Variants in MCHR2 observed in about 807,000 individuals in gnomAD.
MCHR2 encodes melanin-concentrating hormone receptor 2.
MCHR2 carries 15 observed loss-of-function variants against 24.8 expected under a neutral mutation model. That is an observed-to-expected ratio of 0.60 (90% CI 0.40 to 0.93). MCHR2 has a LOEUF of 0.93. Among genes scored for constraint, MCHR2 ranks in the 40% least tolerant of loss-of-function variants. The probability of loss-of-function intolerance (pLI) is 0.00; values close to 1 mark genes in which losing one functional copy is unlikely to be tolerated. For synonymous variants in MCHR2, 151 were observed against 147.6 expected (o/e 1.02, Z -0.17); for missense variants, 386 against 408.7 (o/e 0.94, Z 0.48).
At chr6:99,983,415 C>T (rs961368014) in intron 1 of MCHR2, among the ~76,000 whole-genome samples, 1 of 152,198 alleles carries the variant, frequency 6.6e-6, no homozygotes, top group Non-Finnish European at 1.5e-5. Flanking sequence ...GCATGTCACT[C>T]ATCTTTCCTT....
intron 4 of MCHR2, among the ~76,000 whole-genome samples, chr6:99,936,335 C>T (rs950838095): frequency 1.3e-5 from 2 of 151,822 alleles, no homozygotes; most frequent in African/African-American, 2.4e-5. Context: ...AGGTTCAAGT[C>T]TTAGATTTAA....
At chr6:99,958,714 A>C (rs1450575251) in intron 1 of MCHR2, among the ~76,000 whole-genome samples, 1 of 152,198 alleles carries the variant, frequency 6.6e-6, no homozygotes, top group Non-Finnish European at 1.5e-5. Context: ...AGCCAGCTAC[A>C]TCAAAGCCAA....
intron 1 of MCHR2, among the ~76,000 whole-genome samples, chr6:99,959,254 G>A (rs192758714): frequency 1.2e-4 from 19 of 152,100 alleles, no homozygotes; most frequent in Admixed American, 2.6e-4. Context: ...GAAATTATGC[G>A]TTTCAGGAAA....
At chr6:99,940,706 G>A (rs1029329184) in intron 4 of MCHR2, among the ~76,000 whole-genome samples, 3 of 150,920 alleles carry the variant, frequency 2.0e-5, no homozygotes, top group Non-Finnish European at 3.0e-5. Flanking sequence ...TTTATTTCCT[G>A]TATTTGCTTA....
At chr6:99,933,493 C>A (rs1036834073) in intron 5 of MCHR2, among the ~76,000 whole-genome samples, 3 of 151,950 alleles carry the variant, frequency 2.0e-5, no homozygotes, top group African/African-American at 7.2e-5. Context: ...CCCAAATGGA[C>A]CACACTTTAC....
chr6:99,977,621 T>C (rs1380884775), intron 1 of MCHR2, among the ~76,000 whole-genome samples: 3 of 152,160 alleles, frequency 2.0e-5, no homozygotes, highest in African/African-American at 4.8e-5. Context: ...TTATTTTTTT[T>C]CCCTTCTGAA....
chr6:99,992,524 C>A (rs568949554), intron 1 of MCHR2, among the ~76,000 whole-genome samples: 1 of 152,180 alleles, frequency 6.6e-6, no homozygotes, highest in Admixed American at 6.5e-5. Context: ...TCTCTCACAG[C>A]ATCTTGGACC....
In MCHR2 at chr6:99,942,859, T is replaced by C. The variant is rs1774798816; in HGVS notation, c.587+90A>G. ...CTGGCGAGAAGAGGATCCATAAGGA[T>C]ACTCTTTGAGGCTGCTCACATGTTG... is the stretch of plus-strand genomic sequence containing the variant. On this transcript the variant is annotated intron_variant, in intron 4 of 5. Coordinates refer to ENST00000281806, the MANE Select transcript of MCHR2 (RefSeq NM_001040179.2). 6 of 1,059,008 alleles carry C rather than the reference T, an allele frequency of 5.7e-6. No homozygotes were observed. The East Asian group carries it at 1.2e-4, about 22-fold the overall frequency. 65.6% of individuals were successfully genotyped at this position (1,059,008 alleles called of 1,614,324 possible). A position where few individuals can be genotyped will look rare whatever the true frequency, so the allele number is the denominator to read the frequency against.
chr6:99,931,565 C>T (rs1343430637), intron 5 of MCHR2, among the ~76,000 whole-genome samples: 2 of 152,160 alleles, frequency 1.3e-5, no homozygotes, highest in East Asian at 1.9e-4. Context: ...CCCCCACCCT[C>T]GCTGCCGCCT....
rs1205435742 is a variant in MCHR2, at chr6:99,963,636, TG to T, written c.-27-7463del. 2.6e-5 allele frequency among the ~76,000 whole-genome samples: 4 copies of T among 152,196 alleles called. No individual in the cohort carries two copies. The East Asian group carries it at 7.7e-4, about 29-fold the overall frequency. On this transcript the variant is annotated intron_variant, in intron 1 of 5. Transcript: ENST00000281806. The stretch of plus-strand genomic sequence containing the variant: ...TGTACTGTTCATTTATCAATTTGTT[TG>T]GGGGTGGATATCATGTTATATGTTT...
chr6:99,982,467 GAAAAAA>G (rs1196029682), intron 1 of MCHR2, among the ~76,000 whole-genome samples: 13 of 46,640 alleles, frequency 2.8e-4, no homozygotes, highest in South Asian at 3.3e-3. Flanking sequence ...TGTCTGTACA[GAAAAAA>G]AAAAAAAAAA....
At position 99,921,074 on chromosome 6, in the gene MCHR2, C is replaced by A; in HGVS notation, c.889G>T (p.Ala297Ser). Residue 297 changes from alanine (A) to serine (S), a missense_variant, in exon 6 of 6, where the codon GCC becomes TCC. By Grantham distance (99) the Ala-to-Ser change is moderately conservative. Coordinates refer to ENST00000281806, the MANE Select transcript of MCHR2 (RefSeq NM_001040179.2). ...GYYLSICLSY[A>S]SSSINPFLYI... ...AGAAAAGGGTTAATGCTGCTGCTGG[C>A]ATAGCTGAGACAGATGGAGAGGTAA... The A allele has an allele frequency of 6.2e-7, 1 of 1,614,178 alleles. No homozygotes were observed. Among genetic ancestry groups the A allele is most frequent in the Non-Finnish European group, 8.5e-7 (1 of 1,180,032 alleles).
chr6:99,977,994 C>T (rs1357931739), intron 1 of MCHR2, among the ~76,000 whole-genome samples: 2 of 152,060 alleles, frequency 1.3e-5, no homozygotes, highest in Admixed American at 6.6e-5. Context: ...ATTATACCCA[C>T]GAAGTGAGCA....
At chr6:99,936,261 A>G (rs1774658386) in intron 4 of MCHR2, among the ~76,000 whole-genome samples, 1 of 151,936 alleles carries the variant, frequency 6.6e-6, no homozygotes, top group Non-Finnish European at 1.5e-5. Flanking sequence ...GTCTTGTATG[A>G]AAAGTCTTTG....
chr6:99,942,962 C>T lies in MCHR2; in HGVS notation c.574G>A (p.Asp192Asn). 3 of 1,611,262 alleles carry T rather than the reference C, an allele frequency of 1.9e-6. No homozygotes were observed. Among genetic ancestry groups the T allele is most frequent in the Non-Finnish European group, 2.5e-6 (3 of 1,178,418 alleles). Residue 192 changes from aspartate (D) to asparagine (N), a missense_variant, in exon 4 of 6, where the codon GAC (aspartate) becomes AAC (asparagine). By Grantham distance (23) the Asp-to-Asn change is conservative. Coordinates refer to ENST00000281806, the MANE Select transcript of MCHR2 (RefSeq NM_001040179.2). Reference sequence around the variant, plus strand: ...TTCACAACTTACCAGAGTACATCGTCAGGGGATGTCAAATCAAAAGCACAA... The same window carrying T: ...TTCACAACTTACCAGAGTACATCGTTAGGGGATGTCAAATCAAAAGCACAA... ...ESCAFDLTSPDDVLWYTLYLT... is the reference protein window; with the variant it reads ...ESCAFDLTSPNDVLWYTLYLT...
intron 5 of MCHR2, among the ~76,000 whole-genome samples, chr6:99,931,448 C>G (rs1321589941): frequency 6.6e-6 from 1 of 152,184 alleles, no homozygotes; most frequent in Non-Finnish European, 1.5e-5. Flanking sequence ...AGAGGTGGAG[C>G]CTACAGTGGC....
At chr6:99,984,725 T>C (rs1190777537) in intron 1 of MCHR2, among the ~76,000 whole-genome samples, 1 of 152,080 alleles carries the variant, frequency 6.6e-6, no homozygotes, top group Non-Finnish European at 1.5e-5. Flanking sequence ...AACATCATAG[T>C]GAATGTGGAA....
At position 99,919,457 on chromosome 6, in the gene MCHR2, C is replaced by T. The variant is rs1774181450; in HGVS notation, c.*1483G>A. The stretch of plus-strand genomic sequence containing the variant: ...GAAGGGGCTGGTTGAAAATTGGTTT[C>T]AGATGTTTACGGAGAAAACAAATTT... On this transcript the variant is annotated 3_prime_UTR_variant, in exon 6 of 6. Coordinates refer to ENST00000281806, the MANE Select transcript of MCHR2 (RefSeq NM_001040179.2). 6.6e-6 allele frequency among the ~76,000 whole-genome samples: 1 copy of T among 152,164 alleles called. No homozygotes were observed. Among genetic ancestry groups the T allele is most frequent in the African/African-American group, 2.4e-5 (1 of 41,428 alleles).
chr6:99,923,926 G>A (rs536223633), intron 5 of MCHR2, among the ~76,000 whole-genome samples: 5 of 152,192 alleles, frequency 3.3e-5, no homozygotes, highest in African/African-American at 1.2e-4. Flanking sequence ...TACTGGTGTT[G>A]TAGAATGAGT....
Sources: allele counts gnomAD v4.1 joint callset (sites outside exome capture counted in the v4.1 genomes callset), GRCh38; gene constraint gnomAD v4.1.1; transcripts MANE v1.5; gene names NCBI Gene and HGNC (gene_info 2026-07-23, HGNC 2026-07-21).